Variants in MAP3K21 observed in about 807,000 individuals in gnomAD.
MAP3K21 encodes the protein mitogen-activated protein kinase kinase kinase 21.
Under a neutral mutation model 86.1 loss-of-function variants are expected in MAP3K21, and 63 were observed. That is an observed-to-expected ratio of 0.73 (90% confidence interval 0.60 to 0.90). MAP3K21 has a LOEUF of 0.90. Among genes scored for constraint, MAP3K21 ranks in the 40% least tolerant of loss-of-function variants. MAP3K21 has a pLI of 0.00. For synonymous variants in MAP3K21, 558 were observed against 564.8 expected, an observed-to-expected ratio of 0.99 and a Z score of 0.17; for missense variants, 1,220 against 1,367.7, an observed-to-expected ratio of 0.89 and a Z score of 1.70.
At chr1:233,369,820 G>C (rs992247816) in intron 5 of MAP3K21, among the ~76,000 whole-genome samples, 1 of 148,236 alleles carries the variant, frequency 6.7e-6, no homozygotes, top group Non-Finnish European at 1.5e-5. Flanking sequence ...GCCTAAAATG[G>C]GGCATTTTGC....
At position 233,351,684 on chromosome 1, in the gene MAP3K21, G is replaced by A. The variant is rs1166026473; in HGVS notation, c.987-2123G>A. ...TGCACTCCAGCCTGGGAGACAGAGC[G>A]AGATTCCATCTCAAAAAAAAAAAAA... On this transcript the variant is annotated intron_variant, in intron 2 of 9. Transcript: ENST00000366624. Among the ~76,000 whole-genome samples, 6 of 127,504 alleles carry A rather than the reference G, an allele frequency of 4.7e-5. 1 individual carries two copies. The highest frequency in any genetic ancestry group is 3.4e-4 in the Admixed American group (4 of 11,766). 83.6% of individuals were successfully genotyped at this position (127,504 alleles called of 152,430 possible). A position where few individuals can be genotyped will look rare whatever the true frequency, so the allele number is the denominator to read the frequency against.
At chr1:233,339,562 C>G (rs1427411635) in intron 1 of MAP3K21, among the ~76,000 whole-genome samples, 1 of 151,300 alleles carries the variant, frequency 6.6e-6, no homozygotes, top group Non-Finnish European at 1.5e-5. Context: ...CCCAGGACAG[C>G]CTTAACCTCC....
At chr1:233,382,163 C>T in intron 9 of MAP3K21, 142 bp from the exon 10 acceptor site, 1 of 726,682 alleles carries the variant, frequency 1.4e-6, no homozygotes, top group Non-Finnish European at 2.2e-6. Flanking sequence ...TATGATCATG[C>T]CTGTGAATGC....
In MAP3K21 at chr1:233,384,000, A is replaced by C. The variant is rs748923487; in HGVS notation, c.*1289A>C. On this transcript the variant is annotated 3_prime_UTR_variant, in exon 10 of 10. Coordinates refer to ENST00000366624, the MANE Select transcript of MAP3K21 (RefSeq NM_032435.3). ...AAATGGCTACCCGAGAGCTTGGTAA[A>C]TTTGCCTTGGTTTCTTATGTTAAAT... 1 of 152,118 alleles carries C rather than the reference A, an allele frequency of 6.6e-6. No individual in the cohort carries two copies. The highest frequency in any genetic ancestry group is 2.4e-5 in the African/African-American group (1 of 41,442). The allele number at this position is 152,118 out of a possible 1,614,324, so 9.4% of individuals were successfully genotyped here. A position where few individuals can be genotyped will look rare whatever the true frequency, so the allele number is the denominator to read the frequency against.
At chr1:233,329,689 T>G (rs998327880) in intron 1 of MAP3K21, among the ~76,000 whole-genome samples, 12 of 152,136 alleles carry the variant, frequency 7.9e-5, no homozygotes, top group African/African-American at 2.9e-4. Flanking sequence ...GAAATATGAT[T>G]TTATTATTGG....
At chr1:233,365,805 A>G (rs1381930549) in intron 5 of MAP3K21, among the ~76,000 whole-genome samples, 1 of 152,224 alleles carries the variant, frequency 6.6e-6, no homozygotes, top group Non-Finnish European at 1.5e-5. Flanking sequence ...AACTAAAAAT[A>G]GAACTGCTGT....
chr1:233,358,854 G>C (rs192879050), intron 4 of MAP3K21, among the ~76,000 whole-genome samples: 2 of 152,186 alleles, frequency 1.3e-5, no homozygotes, highest in Non-Finnish European at 2.9e-5. Context: ...CTGTTACCCA[G>C]GTTGCAGTGC....
intron 8 of MAP3K21, among the ~76,000 whole-genome samples, chr1:233,378,381 A>C (rs542836724): frequency 1.4e-4 from 21 of 152,296 alleles, no homozygotes; most frequent in African/African-American, 5.1e-4. Context: ...TCCACTCTTC[A>C]GAATTTCTGA....
intron 5 of MAP3K21, among the ~76,000 whole-genome samples, chr1:233,369,262 C>T (rs941531044): frequency 6.9e-5 from 10 of 144,976 alleles, no homozygotes; most frequent in South Asian, 6.7e-4. Flanking sequence ...TGGTGGTGTG[C>T]GCCTGTAATC....
rs1478560711 is a variant in MAP3K21 at position 233,327,979 on chromosome 1, G to C, written c.-50G>C. 2.4e-6 allele frequency: 3 copies of C among 1,234,994 alleles called. No homozygotes were observed. The highest frequency in any genetic ancestry group is 3.0e-6 in the Non-Finnish European group (3 of 990,306). The allele number at this position is 1,234,994 out of a possible 1,614,324, so 76.5% of individuals were successfully genotyped here. A position where few individuals can be genotyped will look rare whatever the true frequency, so the allele number is the denominator to read the frequency against. ...GGACGATGCGCGCCCGCGGCCGCCC[G>C]GGAGGCTGAGCCCAGCTTCCCGCTC... is the stretch of plus-strand genomic sequence containing the variant. On this transcript the variant is annotated 5_prime_UTR_variant, in exon 1 of 10. Transcript: ENST00000366624.
intron 6 of MAP3K21, chr1:233,372,900 C>G (rs1478869330): frequency 6.6e-6 from 1 of 152,040 alleles, no homozygotes; most frequent in Non-Finnish European, 1.5e-5. Context: ...CATTTGGATC[C>G]TCTCCTTCCT....
intron 1 of MAP3K21, among the ~76,000 whole-genome samples, chr1:233,333,725 T>A (rs1268555625): frequency 2.0e-5 from 3 of 152,168 alleles, no homozygotes; most frequent in Non-Finnish European, 4.4e-5. Flanking sequence ...CAAAGCAGGG[T>A]AAAGGAGACA....
chr1:233,334,621 C>T (rs1295843911), intron 1 of MAP3K21, among the ~76,000 whole-genome samples: 1 of 151,976 alleles, frequency 6.6e-6, no homozygotes, highest in Non-Finnish European at 1.5e-5. Context: ...AGGAAACAGG[C>T]ATTTCGCATG....
rs149770969 is a variant in MAP3K21, at chr1:233,382,671, G to A, written c.3071G>A (p.Arg1024Gln). 69 of 1,613,878 alleles carry A rather than the reference G, an allele frequency of 4.3e-5. No individual in the cohort carries two copies. Among genetic ancestry groups the A allele is most frequent in the African/African-American group, 2.1e-4 (16 of 74,900 alleles). Residue 1024 changes from arginine (R) to glutamine (Q), a missense_variant, in exon 10 of 10, where the codon CGG (arginine) becomes CAG (glutamine). Arg to Gln is a conservative substitution (Grantham distance 43). Transcript: ENST00000366624. ...TGCAGAATGAGGAGCAAAACCAGCCGGCCATCTATATATGAACTGGAGAAA... is the reference window on the plus strand; with the variant it reads ...TGCAGAATGAGGAGCAAAACCAGCCAGCCATCTATATATGAACTGGAGAAA... ...PLCRMRSKTS[R>Q]PSIYELEKEF...
At chr1:233,380,826 G>T (rs1663899450) in intron 9 of MAP3K21, among the ~76,000 whole-genome samples, 2 of 152,130 alleles carry the variant, frequency 1.3e-5, no homozygotes, top group Non-Finnish European at 2.9e-5. Context: ...AGGAAGTAGT[G>T]GTGTCAGAAT....
At chr1:233,341,268 G>A (rs1052221745) in intron 1 of MAP3K21, among the ~76,000 whole-genome samples, 15 of 152,146 alleles carry the variant, frequency 9.9e-5, no homozygotes, top group African/African-American at 3.4e-4. Context: ...GACAGGAAGC[G>A]GAAGTTGGCT....
intron 1 of MAP3K21, among the ~76,000 whole-genome samples, chr1:233,345,234 A>G (rs901863963): frequency 6.6e-6 from 1 of 152,228 alleles, no homozygotes; most frequent in Non-Finnish European, 1.5e-5. Flanking sequence ...ATTTCTGGGT[A>G]TATACCCAAA....
Position 233,328,490 on chromosome 1 carries a change from C to A in MAP3K21, c.462C>A (p.Arg154=). 1 of 1,513,532 alleles carries A rather than the reference C, an allele frequency of 6.6e-7. No homozygotes were observed. The highest frequency in any genetic ancestry group is 2.7e-5 in the East Asian group (1 of 37,244). 93.8% of individuals were successfully genotyped at this position (1,513,532 alleles called of 1,614,324 possible). ...QGQEVAVKAA[R]QDPEQDAAAA... ...AGGAGGTGGCCGTGAAGGCGGCGCG[C>A]CAGGACCCGGAGCAGGACGCGGCGG... Residue 154 remains arginine (R), a synonymous_variant, in exon 1 of 10, where the codon CGC becomes CGA. Coordinates refer to ENST00000366624, the MANE Select transcript of MAP3K21 (RefSeq NM_032435.3). The surrounding 1 kb of genome is among the most constrained non-coding windows in gnomAD (Gnocchi z 8.7).
At chr1:233,382,232 A>C (rs1331087432) in intron 9 of MAP3K21, 73 bp from the exon 10 acceptor site, 2 of 1,293,914 alleles carry the variant, frequency 1.5e-6, no homozygotes, top group Non-Finnish European at 2.2e-6. Flanking sequence ...CATCATAATT[A>C]TTTTTCTTGA....
Sources: allele counts gnomAD v4.1 joint callset (sites outside exome capture counted in the v4.1 genomes callset), GRCh38; gene constraint gnomAD v4.1.1; non-coding constraint Gnocchi (gnomAD v3.1); transcripts MANE v1.5; gene names NCBI Gene and HGNC (gene_info 2026-07-23, HGNC 2026-07-21).